CDC20B: variants seen among roughly 807,000 people sequenced by gnomAD.
CDC20B encodes the protein cell division cycle protein 20 homolog B.
Under a neutral mutation model 64.1 loss-of-function variants are expected in CDC20B, and 58 were observed. The observed-to-expected ratio is 0.90, with a 90% CI of 0.73 to 1.13. CDC20B has a LOEUF of 1.13. Ranked by LOEUF, CDC20B falls within the 50% of genes most tolerant of loss-of-function variation. The pLI, the probability that CDC20B is intolerant of heterozygous loss-of-function variation, is 0.00. For missense variants in CDC20B, 597 were observed against 633.0 expected (o/e 0.94, Z 0.61); for synonymous variants, 243 against 230.6 (o/e 1.05, Z -0.49).
chr5:55,121,958 C>T (rs1742769498), intron 9 of CDC20B, among the ~76,000 whole-genome samples: 1 of 152,114 alleles, frequency 6.6e-6, no homozygotes, highest in African/African-American at 2.4e-5. Context: ...AATAGTTGCT[C>T]TCATTCTTCA....
chr5:55,170,134 C>T (rs889027807), intron 2 of CDC20B, among the ~76,000 whole-genome samples: 1 of 151,498 alleles, frequency 6.6e-6, no homozygotes, highest in South Asian at 2.1e-4. Context: ...AAGAAAGAAA[C>T]TAATAATGCA....
intron 2 of CDC20B, among the ~76,000 whole-genome samples, chr5:55,148,685 G>C (rs1261005611): frequency 2.0e-5 from 3 of 152,172 alleles, no homozygotes; most frequent in Non-Finnish European, 4.4e-5. Flanking sequence ...GCGACAAAGT[G>C]AGACCCTGTC....
chr5:55,170,113 CAA>C (rs562531866), intron 2 of CDC20B, among the ~76,000 whole-genome samples: 3 of 135,290 alleles, frequency 2.2e-5, no homozygotes, highest in African/African-American at 2.7e-5. Context: ...GACTCCGTCT[CAA>C]AAAAAAAAAA....
intron 2 of CDC20B, among the ~76,000 whole-genome samples, chr5:55,167,775 A>C (rs1389627996): frequency 6.6e-6 from 1 of 152,160 alleles, no homozygotes; most frequent in Non-Finnish European, 1.5e-5. Context: ...AGGTGGAAGG[A>C]TTGCTTGAGC....
intron 8 of CDC20B, 69 bp from the exon 9 acceptor site, chr5:55,125,097 C>A: frequency 1.5e-6 from 2 of 1,319,734 alleles, no homozygotes; most frequent in Non-Finnish European, 2.1e-6. Context: ...TGGAGGAAAG[C>A]ATAGTTCAAA....
intron 2 of CDC20B, among the ~76,000 whole-genome samples, chr5:55,155,041 C>G (rs1367708684): frequency 6.6e-6 from 1 of 151,980 alleles, no homozygotes; most frequent in African/African-American, 2.4e-5. Context: ...AAATGCCTGT[C>G]GCATAGTTTT....
chr5:55,119,255 A>G (rs1329386462), intron 11 of CDC20B, among the ~76,000 whole-genome samples: 1 of 152,102 alleles, frequency 6.6e-6, no homozygotes, highest in Non-Finnish European at 1.5e-5. Context: ...AACATTCTAG[A>G]TGCACAAAAG....
At chr5:55,172,748 A>ATT in intron 1 of CDC20B, 98 bp from the exon 2 acceptor site, 1 of 714,788 alleles carries the variant, frequency 1.4e-6, no homozygotes, top group South Asian at 2.2e-5. Context: ...GTCAGATTAC[A>ATT]CTTTTTTTTT....
chr5:55,120,538 ACCAAT>A lies in CDC20B; in HGVS notation c.1223_1227del (p.Asp408ValfsTer47). The A allele has an allele frequency of 1.8e-5, 29 of 1,613,612 alleles. No individual in the cohort carries two copies. Among genetic ancestry groups the A allele is most frequent in the Non-Finnish European group, 2.5e-5 (29 of 1,179,690 alleles). On this transcript the variant is annotated frameshift_variant, in exon 10 of 12. Transcript: ENST00000381375. LOFTEE classifies it high-confidence loss of function. ...GCAAGGACCCCAGACTGCCAGGGAC[ACCAAT>A]CCATGGCCTTTAAAGTTTCACATAA...
intron 7 of CDC20B, among the ~76,000 whole-genome samples, chr5:55,127,843 G>A (rs1394355810): frequency 6.6e-6 from 1 of 152,168 alleles, no homozygotes; most frequent in Non-Finnish European, 1.5e-5. Flanking sequence ...GGTGTAAGAA[G>A]AAATCATGAC....
At chr5:55,129,723 G>A (rs1376149855) in intron 6 of CDC20B, among the ~76,000 whole-genome samples, 3 of 152,186 alleles carry the variant, frequency 2.0e-5, no homozygotes, top group Non-Finnish European at 2.9e-5. Context: ...TCTCAGCCTA[G>A]GCTCTGATCC....
chr5:55,145,863 TTCTG>T (rs1042317340), intron 3 of CDC20B, among the ~76,000 whole-genome samples: 8 of 152,096 alleles, frequency 5.3e-5, no homozygotes, highest in South Asian at 2.1e-4. Flanking sequence ...TCTCTCCTGC[TTCTG>T]TCTTTTTCTT....
chr5:55,132,187 C>T (rs557746617), intron 6 of CDC20B, among the ~76,000 whole-genome samples: 3 of 152,304 alleles, frequency 2.0e-5, no homozygotes, highest in Admixed American at 6.5e-5. Context: ...CATGACAATA[C>T]ATTCTCTTGG....
At chr5:55,166,234 G>A (rs2111598756) in intron 2 of CDC20B, 1 of 152,474 alleles carries the variant, frequency 6.6e-6, no homozygotes, top group East Asian at 1.9e-4. Flanking sequence ...GGATGATAAT[G>A]GAGCTGCACT....
At chr5:55,132,258 C>G (rs1420619223) in intron 6 of CDC20B, among the ~76,000 whole-genome samples, 1 of 151,986 alleles carries the variant, frequency 6.6e-6, no homozygotes, top group Non-Finnish European at 1.5e-5. Flanking sequence ...TTTCTTTTTC[C>G]AGCTCATGCC....
At chr5:55,164,169 T>C (rs769065331) in intron 2 of CDC20B, 3 of 1,594,824 alleles carry the variant, frequency 1.9e-6, no homozygotes, top group Middle Eastern at 1.7e-4. Flanking sequence ...AGGCCTGACA[T>C]AGCAGCTCTG....
chr5:55,169,880 G>A (rs913166876), intron 2 of CDC20B, among the ~76,000 whole-genome samples: 1 of 152,154 alleles, frequency 6.6e-6, no homozygotes, highest in Admixed American at 6.5e-5. Flanking sequence ...TTGGGAGGCC[G>A]AGGCGGGTGG....
chr5:55,119,716 T>TA, intron 11 of CDC20B, 85 bp downstream of exon 11: 1 of 839,980 alleles, frequency 1.2e-6, no homozygotes, highest in South Asian at 1.5e-5. Flanking sequence ...ACCAGAAGGA[T>TA]AAAATCTTTC....
At chr5:55,150,314 C>T (rs1405642963) in intron 2 of CDC20B, among the ~76,000 whole-genome samples, 1 of 152,172 alleles carries the variant, frequency 6.6e-6, no homozygotes, top group Admixed American at 6.5e-5. Context: ...TACAGTCCTA[C>T]TTCCTAGCTC....
Sources: gnomAD v4.1 joint callset for allele counts (sites outside exome capture counted in the v4.1 genomes callset) on GRCh38, gnomAD v4.1.1 for gene constraint, MANE v1.5 for transcripts, NCBI Gene and HGNC (gene_info 2026-07-23, HGNC 2026-07-21) for gene names.